KAZN: variants seen among roughly 807,000 people sequenced by gnomAD.
The protein encoded by KAZN is kazrin, periplakin interacting protein, also known as kazrin.
A neutral mutation model predicts 87.4 loss-of-function variants in KAZN; 40 were observed. That is an observed-to-expected ratio of 0.46 (90% CI 0.36 to 0.60). KAZN has a LOEUF of 0.60. Ranked by LOEUF, KAZN falls within the 20% of genes least tolerant of loss-of-function variation. KAZN has a pLI of 0.00. For synonymous variants in KAZN, 466 were observed against 458.3 expected (o/e 1.02, Z -0.22); for missense variants, 898 against 1,073.9 (o/e 0.84, Z 2.29).
rs1465031288 is a variant in KAZN at position 14,996,273 on chromosome 1, C to T, written c.418+35398C>T. On this transcript the variant is annotated intron_variant, in intron 2 of 14. Coordinates refer to ENST00000376030, the MANE Select transcript of KAZN (RefSeq NM_201628.3). This position sits in a 1 kb window ranked among gnomAD's most constrained non-coding sequence, Gnocchi z 5.9. ...TTTCTTGTTCCCGTGTGTCTCTGTCCACCCAGACCAGCAAGCAGGATGACT... is the reference window on the plus strand; with the variant it reads ...TTTCTTGTTCCCGTGTGTCTCTGTCTACCCAGACCAGCAAGCAGGATGACT... Among the ~76,000 whole-genome samples the T allele has an allele frequency of 6.6e-6, 1 of 152,140 alleles. No individual in the cohort carries two copies. Among genetic ancestry groups the T allele is most frequent in the Admixed American group, 6.5e-5 (1 of 15,268 alleles).
chr1:15,031,727 C>G (rs1032455275), intron 2 of KAZN, among the ~76,000 whole-genome samples: 17 of 152,108 alleles, frequency 1.1e-4, no homozygotes, highest in African/African-American at 3.6e-4. Context: ...CCTCAGCCTA[C>G]CAAGTAGCTG....
chr1:14,873,068 G>A (rs12026517), intron 1 of KAZN, among the ~76,000 whole-genome samples: 1 of 135,174 alleles, frequency 7.4e-6, no homozygotes, highest in Non-Finnish European at 1.6e-5. Context: ...GGATGGATGG[G>A]TGGATGGATG....
rs1222361896 is a variant in KAZN at position 14,055,260 on chromosome 1, G to A, written c.92-125175G>A. On this transcript the variant is annotated intron_variant, in intron 1 of 16. Transcript: ENST00000636203. The stretch of plus-strand genomic sequence containing the variant: ...ACAAGTATTAAGTGAGTTGATGTGT[G>A]TAATAAACTCAGAATATTGACTGGC... Among the ~76,000 whole-genome samples, 4 of 152,204 alleles carry A rather than the reference G, an allele frequency of 2.6e-5. No homozygotes were observed. In the East Asian group the frequency reaches 7.7e-4, roughly 29 times the overall value.
chr1:14,985,669 GC>G (rs1438599357), intron 2 of KAZN, among the ~76,000 whole-genome samples: 1 of 152,206 alleles, frequency 6.6e-6, no homozygotes, highest in Non-Finnish European at 1.5e-5. Flanking sequence ...TTGAGGCAGG[GC>G]AGCTGACCTG....
chr1:14,914,203 G>A (rs961304581), intron 1 of KAZN, among the ~76,000 whole-genome samples: 1 of 152,190 alleles, frequency 6.6e-6, no homozygotes, highest in African/African-American at 2.4e-5. Context: ...CCATGCTCAG[G>A]AGAGATGCTG....
rs568331927 is a variant in KAZN, at chr1:14,600,693, G to C, written c.226+1470G>C. Reference sequence around the variant, plus strand: ...AAAAAAAAAAAAAAAAAAAAAGACAGACTGCAAGGTAATGCTTCACTTTTT... The same window carrying C: ...AAAAAAAAAAAAAAAAAAAAAGACACACTGCAAGGTAATGCTTCACTTTTT... On this transcript the variant is annotated intron_variant, in intron 1 of 14. Transcript: ENST00000376030. 2.0e-3 allele frequency among the ~76,000 whole-genome samples: 286 copies of C among 146,510 alleles called. 1 individual carries two copies. Among genetic ancestry groups the C allele is most frequent in the African/African-American group, 7.1e-3 (277 of 39,264 alleles).
chr1:14,330,593 C>A (rs1335539184), intron 2 of KAZN, among the ~76,000 whole-genome samples: 2 of 152,260 alleles, frequency 1.3e-5, no homozygotes, highest in South Asian at 2.1e-4. Context: ...CCAGATTTGC[C>A]ATCAGGGACT....
intron 1 of KAZN, among the ~76,000 whole-genome samples, chr1:14,621,967 G>A (rs776426748): frequency 4.6e-5 from 7 of 152,134 alleles, no homozygotes; most frequent in South Asian, 2.1e-4. Flanking sequence ...CTGTACTTCC[G>A]GCTTGAACAG....
At chr1:14,417,423 C>T (rs1253157995) in intron 2 of KAZN, among the ~76,000 whole-genome samples, 1 of 152,134 alleles carries the variant, frequency 6.6e-6, no homozygotes, top group Non-Finnish European at 1.5e-5. Flanking sequence ...TTGACTTCAC[C>T]TTCACAGAAA....
At chr1:13,913,891 A>C (rs1570262165) in intron 1 of KAZN, among the ~76,000 whole-genome samples, 1 of 152,306 alleles carries the variant, frequency 6.6e-6, no homozygotes, top group Admixed American at 6.5e-5. Flanking sequence ...GAGAATCATT[A>C]AACTAGTGCA....
In KAZN at chr1:15,099,710, A is replaced by T. The variant is rs74059826; in HGVS notation, c.1548-1833A>T. Among the ~76,000 whole-genome samples the T allele has an allele frequency of 2.8e-4, 42 of 152,224 alleles. No individual in the cohort carries two copies. The highest frequency in any genetic ancestry group is 9.9e-4 in the African/African-American group (41 of 41,492). ...TGCAAAGAGAAGCCACAGAGTGTTG[A>T]GCAGGGGAGTGCACGGTCACACTGA... On this transcript the variant is annotated intron_variant, in intron 10 of 14. Coordinates refer to ENST00000376030, the MANE Select transcript of KAZN (RefSeq NM_201628.3). This position sits in a 1 kb window ranked among gnomAD's most constrained non-coding sequence, Gnocchi z 5.4.
At chr1:13,910,996 A>G (rs1169970835) in intron 1 of KAZN, among the ~76,000 whole-genome samples, 2 of 152,100 alleles carry the variant, frequency 1.3e-5, no homozygotes, top group Non-Finnish European at 2.9e-5. Context: ...GGTGCATGAC[A>G]TGGGGAAGAC....
Position 14,098,029 on chromosome 1 carries a change from G to A in KAZN, c.92-82406G>A, listed in dbSNP as rs191163472. ...ATCTTCACCACAACCTTGGAAGGTAGGATTTTTTTTTTTTATTATCTCCAT... is the reference window on the plus strand; with the variant it reads ...ATCTTCACCACAACCTTGGAAGGTAAGATTTTTTTTTTTTATTATCTCCAT... On this transcript the variant is annotated intron_variant, in intron 1 of 16. Transcript: ENST00000636203. 3.3e-3 allele frequency among the ~76,000 whole-genome samples: 505 copies of A among 151,964 alleles called. 6 individuals carry two copies. Among genetic ancestry groups the A allele is most frequent in the Non-Finnish European group, 1.2e-3 (83 of 67,992 alleles).
intron 1 of KAZN, among the ~76,000 whole-genome samples, chr1:14,612,564 A>G (rs777405188): frequency 3.9e-5 from 6 of 152,162 alleles, no homozygotes; most frequent in Non-Finnish European, 8.8e-5. Flanking sequence ...TCCAGCTCTC[A>G]GCTTCCTCAT....
At chr1:14,452,559 G>T (rs1162806805) in intron 2 of KAZN, among the ~76,000 whole-genome samples, 1 of 152,180 alleles carries the variant, frequency 6.6e-6, no homozygotes, top group Non-Finnish European at 1.5e-5. Flanking sequence ...GACCCTCCAG[G>T]TATATATAGC....
intron 2 of KAZN, among the ~76,000 whole-genome samples, chr1:14,450,281 G>A (rs1050259127): frequency 2.0e-5 from 3 of 152,136 alleles, no homozygotes; most frequent in Non-Finnish European, 2.9e-5. Context: ...CTAGCACAGG[G>A]CACCTGATAT....
Position 14,162,931 on chromosome 1 carries a change from C to T in KAZN, c.92-17504C>T, listed in dbSNP as rs113289753. ...ATTTCCTAATTTTAGTCCTGTTTGC[C>T]ATCTGCAGAGAATAAAATTTCTAAA... On this transcript the variant is annotated intron_variant, in intron 1 of 16. Coordinates refer to the KAZN transcript ENST00000636203. Among the ~76,000 whole-genome samples, 42 of 152,166 alleles carry T rather than the reference C, an allele frequency of 2.8e-4. 1 individual carries two copies. Among genetic ancestry groups the T allele is most frequent in the African/African-American group, 9.6e-4 (40 of 41,528 alleles).
chr1:14,502,536 C>T (rs1189718271), intron 2 of KAZN, among the ~76,000 whole-genome samples: 1 of 152,088 alleles, frequency 6.6e-6, no homozygotes, highest in African/African-American at 2.4e-5. Context: ...CTTTAGAGCC[C>T]TCTGTTCAGG....
chr1:14,873,069 TGGATGGATGGATGGATGGAA>T, intron 1 of KAZN, among the ~76,000 whole-genome samples: 1 of 144,786 alleles, frequency 6.9e-6, no homozygotes, highest in South Asian at 2.2e-4. Flanking sequence ...GATGGATGGG[TGGATGGATGGATGGATGGAA>T]GGATGGATGG....
Sources: gnomAD v4.1 joint callset for allele counts (sites outside exome capture counted in the v4.1 genomes callset) on GRCh38, gnomAD v4.1.1 for gene constraint, Gnocchi (gnomAD v3.1) non-coding constraint, MANE v1.5 for transcripts, NCBI Gene and HGNC (gene_info 2026-07-23, HGNC 2026-07-21) for gene names.